Variants in NDUFAF2 observed in about 807,000 individuals in gnomAD.
NDUFAF2 encodes NADH dehydrogenase [ubiquinone] 1 alpha subcomplex assembly factor 2.
In NDUFAF2, 13 loss-of-function variants were observed where a neutral mutation model predicts 22.8. The ratio of observed to expected loss-of-function variants is 0.57; its 90% confidence interval spans 0.37 to 0.91. The LOEUF is 0.91. Among genes scored for constraint, NDUFAF2 ranks in the 40% least tolerant of loss-of-function variants. The probability of loss-of-function intolerance (pLI) is 0.01; values close to 1 mark genes in which losing one functional copy is unlikely to be tolerated. For missense variants in NDUFAF2, 162 were observed against 195.2 expected, an observed-to-expected ratio of 0.83 and a Z score of 1.01; for synonymous variants, 53 against 64.2, an observed-to-expected ratio of 0.83 and a Z score of 0.84.
chr5:61,020,225 C>T (rs537777027), intron 1 of NDUFAF2, among the ~76,000 whole-genome samples: 50 of 152,150 alleles, frequency 3.3e-4, no homozygotes, highest in African/African-American at 9.6e-4. Context: ...CTTTTAATTA[C>T]ATCGTTTTTT....
At chr5:61,038,630 A>G (rs1751832745) in intron 1 of NDUFAF2, among the ~76,000 whole-genome samples, 1 of 152,238 alleles carries the variant, frequency 6.6e-6, no homozygotes, top group Admixed American at 6.5e-5. Flanking sequence ...TTTTAAACCA[A>G]AATCATGTTA....
At chr5:61,023,794 G>C (rs1751616808) in intron 1 of NDUFAF2, among the ~76,000 whole-genome samples, 1 of 151,990 alleles carries the variant, frequency 6.6e-6, no homozygotes. Flanking sequence ...AATTTTTCTT[G>C]AGTAGCACAC....
intron 2 of NDUFAF2, among the ~76,000 whole-genome samples, chr5:61,078,698 G>A (rs1415480483): frequency 6.6e-6 from 1 of 151,870 alleles, no homozygotes; most frequent in African/African-American, 2.4e-5. Context: ...CTGAGATCGC[G>A]CCACTGCACT....
At chr5:60,993,219 G>A (rs1751183986) in intron 1 of NDUFAF2, among the ~76,000 whole-genome samples, 1 of 152,248 alleles carries the variant, frequency 6.6e-6, no homozygotes, top group Non-Finnish European at 1.5e-5. Flanking sequence ...CACACTGCAG[G>A]CAGCTTCCAT....
intron 1 of NDUFAF2, among the ~76,000 whole-genome samples, chr5:61,061,443 C>T (rs1056226675): frequency 5.9e-5 from 9 of 152,044 alleles, no homozygotes; most frequent in Non-Finnish European, 1.0e-4. Flanking sequence ...AGTGCTCAGA[C>T]ATTTTGGTTT....
intron 1 of NDUFAF2, among the ~76,000 whole-genome samples, chr5:61,008,242 T>C (rs1321824676): frequency 6.6e-6 from 1 of 151,930 alleles, no homozygotes; most frequent in African/African-American, 2.4e-5. Context: ...GCATGGCACA[T>C]GTATACATAT....
intron 1 of NDUFAF2, among the ~76,000 whole-genome samples, chr5:60,989,945 A>G (rs184322070): frequency 4.7e-4 from 71 of 152,360 alleles, no homozygotes; most frequent in Non-Finnish European, 7.5e-4. Flanking sequence ...TGTGGTACAT[A>G]TATAAAATGG....
chr5:61,147,433 CTTTCT>C (rs566898234), intron 3 of NDUFAF2, among the ~76,000 whole-genome samples: 3,223 of 47,484 alleles, frequency 0.068, 79 homozygotes, highest in Non-Finnish European at 0.11. Flanking sequence ...ATTTTTTTTT[CTTTCT>C]TTTTTTTTTT....
At position 61,087,187 on chromosome 5, in the gene NDUFAF2, C is replaced by G. The variant is rs537383675; in HGVS notation, c.218-11805C>G. On this transcript the variant is annotated intron_variant, in intron 2 of 3. Transcript: ENST00000296597. Reference sequence around the variant, plus strand: ...CAGAGAGCTGTACTCTCTCCCTGAGCATGCACAAAAAAAGAAGTCATATGG... The same window carrying G: ...CAGAGAGCTGTACTCTCTCCCTGAGGATGCACAAAAAAAGAAGTCATATGG... 3.3e-5 allele frequency among the ~76,000 whole-genome samples: 5 copies of G among 152,062 alleles called. No individual in the cohort carries two copies. In the South Asian group the frequency reaches 1.0e-3, roughly 31 times the overall value.
chr5:60,991,368 A>G (rs1483290445), intron 1 of NDUFAF2, among the ~76,000 whole-genome samples: 4 of 152,074 alleles, frequency 2.6e-5, no homozygotes, highest in Admixed American at 2.0e-4. Flanking sequence ...ATTATTGACT[A>G]TAGTTGCCCT....
At chr5:61,127,791 C>A (rs1753056236) in intron 3 of NDUFAF2, among the ~76,000 whole-genome samples, 1 of 152,014 alleles carries the variant, frequency 6.6e-6, no homozygotes, top group African/African-American at 2.4e-5. Flanking sequence ...AAGTTCTGGC[C>A]AGGGCAATCA....
chr5:60,969,001 A>G (rs1237649290), intron 1 of NDUFAF2, among the ~76,000 whole-genome samples: 2 of 152,048 alleles, frequency 1.3e-5, no homozygotes, highest in East Asian at 3.9e-4. Flanking sequence ...ACTTTGCATA[A>G]TGACCTCTGG....
At chr5:61,143,963 TG>T (rs1561138965) in intron 3 of NDUFAF2, among the ~76,000 whole-genome samples, 24 of 11,704 alleles carry the variant, frequency 2.1e-3, no homozygotes, top group Admixed American at 0.012. Flanking sequence ...CATATTTTTG[TG>T]TGTGTGTGTG....
At chr5:61,135,060 C>A (rs544544283) in intron 3 of NDUFAF2, among the ~76,000 whole-genome samples, 3 of 147,894 alleles carry the variant, frequency 2.0e-5, no homozygotes, top group African/African-American at 7.5e-5. Flanking sequence ...AAGCTTATAG[C>A]ATAAAAGAAA....
chr5:61,099,104 A>G (rs1752676923), intron 3 of NDUFAF2, 72 bp downstream of exon 3: 5 of 1,053,584 alleles, frequency 4.7e-6, no homozygotes, highest in East Asian at 2.6e-5. Flanking sequence ...CAGAAAAACT[A>G]TGATGTATTT....
At chr5:61,105,563 AAACTT>A (rs1311477641) in intron 3 of NDUFAF2, among the ~76,000 whole-genome samples, 1 of 150,926 alleles carries the variant, frequency 6.6e-6, no homozygotes, top group Non-Finnish European at 1.5e-5. Flanking sequence ...ATGAAAAAAA[AAACTT>A]AAGAATGAAC....
chr5:60,968,483 T>C (rs183799282), intron 1 of NDUFAF2, among the ~76,000 whole-genome samples: 26 of 152,106 alleles, frequency 1.7e-4, no homozygotes, highest in Middle Eastern at 3.4e-3. Context: ...ATTTTCGTCA[T>C]AGAACTACTT....
chr5:61,094,377 A>G (rs571340648), intron 2 of NDUFAF2, among the ~76,000 whole-genome samples: 18 of 152,328 alleles, frequency 1.2e-4, no homozygotes, highest in African/African-American at 4.3e-4. Flanking sequence ...TTTGTCCGTC[A>G]GCCTCTGCAA....
At chr5:61,045,963 G>A (rs1003232580) in intron 1 of NDUFAF2, among the ~76,000 whole-genome samples, 7 of 152,068 alleles carry the variant, frequency 4.6e-5, no homozygotes, top group Admixed American at 6.6e-5. Flanking sequence ...GTCATATATG[G>A]CCTTATTGTG....
Sources: gnomAD v4.1 joint callset for allele counts (sites outside exome capture counted in the v4.1 genomes callset) on GRCh38, gnomAD v4.1.1 for gene constraint, MANE v1.5 for transcripts, NCBI Gene and HGNC (gene_info 2026-07-23, HGNC 2026-07-21) for gene names.